LSAMP: variants seen among roughly 807,000 people sequenced by gnomAD.
The protein encoded by LSAMP is limbic system-associated membrane protein.
In LSAMP, 7 loss-of-function variants were observed where a neutral mutation model predicts 38.6. The observed-to-expected ratio is 0.18, with a 90% confidence interval of 0.10 to 0.34. The LOEUF is 0.34. Among genes scored for constraint, LSAMP ranks in the 10% least tolerant of loss-of-function variants. The pLI is 1.00. For missense variants in LSAMP, 313 were observed against 420.0 expected (o/e 0.75, Z 2.23); for synonymous variants, 154 against 166.8 (o/e 0.92, Z 0.59).
chr3:116,178,130 C>T (rs2107564643), intron 1 of LSAMP, among the ~76,000 whole-genome samples: 1 of 151,404 alleles, frequency 6.6e-6, no homozygotes, highest in African/African-American at 2.4e-5. Flanking sequence ...TACATGTGTG[C>T]TTGCACATGA....
rs9855935 is a variant in LSAMP, at chr3:116,144,720, A to G, written c.156-58164T>C. 9.4e-3 allele frequency among the ~76,000 whole-genome samples: 1,423 copies of G among 152,012 alleles called. 18 individuals carry two copies. The highest frequency in any genetic ancestry group is 0.031 in the African/African-American group (1,289 of 41,514). ...TTTGGCTACATTTCACTTCAGATTT[A>G]TTATATTCTGTTGATGAAAGTCTAT... On this transcript the variant is annotated intron_variant, in intron 1 of 6. Coordinates refer to ENST00000490035, the MANE Select transcript of LSAMP (RefSeq NM_002338.5).
At chr3:115,942,353 T>C (rs1937952231) in intron 3 of LSAMP, among the ~76,000 whole-genome samples, 2 of 152,234 alleles carry the variant, frequency 1.3e-5, no homozygotes, top group Non-Finnish European at 1.5e-5. Flanking sequence ...TCACCAACGG[T>C]CATAATTCAA....
chr3:116,278,064 T>A lies in LSAMP; in HGVS notation c.155+166813A>T, dbSNP rs1187227356. ...CAATAATCCTATAATAAAAGTGAAG[T>A]GTATTAAAGAGGGAAAGCACTATTA... On this transcript the variant is annotated intron_variant, in intron 1 of 6. Transcript: ENST00000490035. Among the ~76,000 whole-genome samples the A allele has an allele frequency of 2.0e-5, 3 of 152,134 alleles. No individual in the cohort carries two copies. In the East Asian group the frequency reaches 5.8e-4, roughly 29 times the overall value.
chr3:116,075,920 A>T (rs2107396548), intron 2 of LSAMP, among the ~76,000 whole-genome samples: 1 of 152,278 alleles, frequency 6.6e-6, no homozygotes, highest in Non-Finnish European at 1.5e-5. Context: ...TTTTATGCTA[A>T]GACAGCCTTC....
intron 1 of LSAMP, among the ~76,000 whole-genome samples, chr3:116,209,634 G>A (rs1320378597): frequency 6.6e-6 from 1 of 152,154 alleles, no homozygotes; most frequent in African/African-American, 2.4e-5. Context: ...GGAGAAGTAA[G>A]ACAAGCTAAG....
At chr3:115,823,085 T>C (rs942439814) in intron 6 of LSAMP, among the ~76,000 whole-genome samples, 3 of 152,222 alleles carry the variant, frequency 2.0e-5, no homozygotes, top group South Asian at 2.1e-4. Context: ...CTATAGTGAA[T>C]AGAATGTGAA....
chr3:116,309,472 A>C (rs978678521), intron 1 of LSAMP, among the ~76,000 whole-genome samples: 1 of 152,114 alleles, frequency 6.6e-6, no homozygotes, highest in Admixed American at 6.6e-5. Context: ...GTTTAATTTA[A>C]ATCAATTTAA....
chr3:116,397,063 T>C (rs2107820608), intron 1 of LSAMP, among the ~76,000 whole-genome samples: 1 of 152,318 alleles, frequency 6.6e-6, no homozygotes, highest in African/African-American at 2.4e-5. Flanking sequence ...GCCAGGTTGT[T>C]CTTTGAAAAC....
intron 1 of LSAMP, among the ~76,000 whole-genome samples, chr3:116,342,154 G>A (rs967627958): frequency 1.3e-5 from 2 of 152,006 alleles, no homozygotes; most frequent in East Asian, 3.9e-4. Context: ...TGATGTCATT[G>A]GAAAGTACTG....
intron 1 of LSAMP, among the ~76,000 whole-genome samples, chr3:116,304,411 A>G (rs1188326950): frequency 6.6e-6 from 1 of 152,174 alleles, no homozygotes; most frequent in Non-Finnish European, 1.5e-5. Flanking sequence ...GCTGTTTCGG[A>G]CAAAGGAAAC....
intron 1 of LSAMP, among the ~76,000 whole-genome samples, chr3:116,380,746 A>G (rs2048548536): frequency 6.6e-6 from 1 of 152,072 alleles, no homozygotes; most frequent in Admixed American, 6.6e-5. Flanking sequence ...ACTGCAAAAT[A>G]TTTCATAATA....
chr3:115,956,103 A>G (rs1409841200), intron 3 of LSAMP, among the ~76,000 whole-genome samples: 2 of 152,210 alleles, frequency 1.3e-5, no homozygotes, highest in South Asian at 4.1e-4. Flanking sequence ...ACCTAGAGAC[A>G]TACTATTCTT....
chr3:116,013,108 G>A (rs150594203), intron 3 of LSAMP, among the ~76,000 whole-genome samples: 2 of 152,296 alleles, frequency 1.3e-5, no homozygotes, highest in African/African-American at 4.8e-5. Context: ...ACACATCTAG[G>A]CTGATTCACT....
intron 1 of LSAMP, among the ~76,000 whole-genome samples, chr3:116,223,936 TA>T (rs2046316106): frequency 6.6e-6 from 1 of 152,202 alleles, no homozygotes; most frequent in South Asian, 2.1e-4. Context: ...GGGAATATTT[TA>T]AAGTGGCTTC....
chr3:115,981,219 G>T (rs1939350500), intron 3 of LSAMP, among the ~76,000 whole-genome samples: 1 of 152,142 alleles, frequency 6.6e-6, no homozygotes, highest in African/African-American at 2.4e-5. Flanking sequence ...AGGGCTAAAA[G>T]GTCCTGCCCT....
At chr3:116,008,966 C>A (rs563773593) in intron 3 of LSAMP, among the ~76,000 whole-genome samples, 1 of 152,236 alleles carries the variant, frequency 6.6e-6, no homozygotes, top group South Asian at 2.1e-4. Context: ...CTTCCAGGAG[C>A]AATATTCTGT....
At chr3:116,409,132 G>T (rs1320062110) in intron 1 of LSAMP, among the ~76,000 whole-genome samples, 1 of 151,896 alleles carries the variant, frequency 6.6e-6, no homozygotes. Context: ...AATGAGAGAG[G>T]GTTATCATTG....
At chr3:115,979,716 CCACGAATAGTAATTCTGAT>C (rs1939303198) in intron 3 of LSAMP, among the ~76,000 whole-genome samples, 2 of 152,062 alleles carry the variant, frequency 1.3e-5, no homozygotes, top group African/African-American at 2.4e-5. Context: ...TACTATGGTT[CCACGAATAGTAATTCTGAT>C]CACCATACAT....
At chr3:115,847,130 T>G (rs1007710800) in intron 4 of LSAMP, among the ~76,000 whole-genome samples, 2 of 152,230 alleles carry the variant, frequency 1.3e-5, no homozygotes, top group Admixed American at 6.5e-5. Flanking sequence ...GAAAGGACTT[T>G]GGAGTTAGAC....
Sources: allele counts gnomAD v4.1 joint callset (sites outside exome capture counted in the v4.1 genomes callset), GRCh38; gene constraint gnomAD v4.1.1; transcripts MANE v1.5; gene names NCBI Gene and HGNC (gene_info 2026-07-23, HGNC 2026-07-21).